Variants in CSNK1A1 observed in about 807,000 individuals in gnomAD.
The protein encoded by CSNK1A1 is casein kinase I isoform alpha.
A neutral mutation model predicts 46.1 loss-of-function variants in CSNK1A1; 7 were observed. The observed-to-expected ratio is 0.15, with a 90% CI of 0.09 to 0.29. The LOEUF is 0.29. Ranked by LOEUF, CSNK1A1 falls within the 10% of genes least tolerant of loss-of-function variation. The pLI, the probability that CSNK1A1 is intolerant of heterozygous loss-of-function variation, is 1.00. For missense variants in CSNK1A1, 96 were observed against 417.1 expected, an observed-to-expected ratio of 0.23 and a Z score of 6.71; for synonymous variants, 137 against 141.5, an observed-to-expected ratio of 0.97 and a Z score of 0.23.
intron 9 of CSNK1A1, chr5:149,503,149 G>A (rs191311510): frequency 5.1e-6 from 5 of 985,378 alleles, no homozygotes; most frequent in East Asian, 2.3e-4. Context: ...GAGACTGGAA[G>A]CAGGAATAAC....
At chr5:149,537,160 G>C (rs932249889) in intron 2 of CSNK1A1, among the ~76,000 whole-genome samples, 36 of 152,142 alleles carry the variant, frequency 2.4e-4, no homozygotes, top group Non-Finnish European at 4.9e-4. Context: ...TGGATCACTT[G>C]AGGTCAGGAG....
At chr5:149,515,208 C>G (rs1761362565) in intron 4 of CSNK1A1, among the ~76,000 whole-genome samples, 1 of 152,136 alleles carries the variant, frequency 6.6e-6, no homozygotes. Flanking sequence ...AGAATTTCCT[C>G]CAGTTCACAT....
intron 2 of CSNK1A1, among the ~76,000 whole-genome samples, chr5:149,536,096 G>A (rs10037311): frequency 0.11 from 16,291 of 152,154 alleles, 1,048 homozygotes; most frequent in African/African-American, 0.16. Context: ...TGGTATCACA[G>A]GCACGCGCCA....
At chr5:149,527,403 G>A (rs1761756969) in intron 2 of CSNK1A1, among the ~76,000 whole-genome samples, 1 of 152,166 alleles carries the variant, frequency 6.6e-6, no homozygotes, top group African/African-American at 2.4e-5. Context: ...TGGGATTACA[G>A]GTTTGAGCCA....
At chr5:149,535,892 C>T (rs548047606) in intron 2 of CSNK1A1, among the ~76,000 whole-genome samples, 21 of 152,146 alleles carry the variant, frequency 1.4e-4, no homozygotes, top group Admixed American at 1.0e-3. Flanking sequence ...GTGATCCACC[C>T]GCCTCAGCCT....
At chr5:149,522,247 AC>A (rs1357711163) in intron 3 of CSNK1A1, among the ~76,000 whole-genome samples, 1 of 151,924 alleles carries the variant, frequency 6.6e-6, no homozygotes, top group African/African-American at 2.4e-5. Flanking sequence ...AGCTGGAACT[AC>A]GGACATGCGC....
At chr5:149,505,311 CT>C (rs573347539) in intron 9 of CSNK1A1, 135 bp downstream of exon 9, 87,733 of 777,714 alleles carry the variant, frequency 0.11, 1 homozygote, top group East Asian at 0.18. Flanking sequence ...CCAAGGACGT[CT>C]TTTTTTTTTT....
chr5:149,523,856 G>A (rs759715252), intron 3 of CSNK1A1, among the ~76,000 whole-genome samples: 7 of 152,180 alleles, frequency 4.6e-5, no homozygotes, highest in South Asian at 2.1e-4. Context: ...TGAAATAAAC[G>A]ATAAGCTATT....
intron 2 of CSNK1A1, chr5:149,529,569 C>A: frequency 2.6e-6 from 1 of 387,786 alleles, no homozygotes; most frequent in Non-Finnish European, 5.2e-6. Flanking sequence ...GAAGGATGAA[C>A]AGTGTTTTGA....
intron 4 of CSNK1A1, among the ~76,000 whole-genome samples, chr5:149,513,426 T>G (rs573758343): frequency 6.6e-6 from 1 of 152,278 alleles, no homozygotes; most frequent in East Asian, 1.9e-4. Context: ...TCTAGTAGTT[T>G]ATCCTTGTCG....
At chr5:149,545,062 A>G (rs985172417) in intron 2 of CSNK1A1, among the ~76,000 whole-genome samples, 5 of 150,614 alleles carry the variant, frequency 3.3e-5, no homozygotes, top group African/African-American at 1.2e-4. Flanking sequence ...AGATCACACC[A>G]TTGCACTCCA....
intron 2 of CSNK1A1, among the ~76,000 whole-genome samples, chr5:149,549,058 A>G (rs953535273): frequency 1.3e-5 from 2 of 152,230 alleles, no homozygotes; most frequent in African/African-American, 4.8e-5. Flanking sequence ...AACAATGTCT[A>G]TCTCGTCATC....
chr5:149,551,119 A>C lies in CSNK1A1; in HGVS notation c.-155T>G. 1 of 739,916 alleles carries C rather than the reference A, an allele frequency of 1.4e-6. No homozygotes were observed. The highest frequency in any genetic ancestry group is 2.2e-6 in the Non-Finnish European group (1 of 453,612). 45.8% of individuals were successfully genotyped at this position (739,916 alleles called of 1,614,324 possible). On this transcript the variant is annotated 5_prime_UTR_variant, in exon 1 of 10. Transcript: ENST00000377843. ...CCGGGGTTCGGGGCCCAGAATCAGC[A>C]GAGGGGAACCTGATCACCGCCGCTC...
intron 6 of CSNK1A1, 124 bp downstream of exon 6, chr5:149,511,670 G>C (rs1313353593): frequency 2.9e-6 from 2 of 680,104 alleles, no homozygotes; most frequent in African/African-American, 1.9e-5. Context: ...AGTAAATTAA[G>C]GTTAATTCTT....
chr5:149,550,547 G>A lies in CSNK1A1; in HGVS notation c.123+295C>T, dbSNP rs117491683. On this transcript the variant is annotated intron_variant, in intron 1 of 9. Coordinates refer to ENST00000377843, the MANE Select transcript of CSNK1A1 (RefSeq NM_001892.6). The surrounding 1 kb of genome is among the most constrained non-coding windows in gnomAD (Gnocchi z 4.3). ...AAAAACATGGGAATCACTGAAAGAG[G>A]ATTTTGCCGTTTCCACCTTAAAAGA... Among the ~76,000 whole-genome samples the A allele has an allele frequency of 7.2e-4, 109 of 151,388 alleles. 3 individuals carry two copies. The East Asian group carries it at 0.019, about 26-fold the overall frequency.
At chr5:149,516,068 C>T (rs1761390508) in intron 4 of CSNK1A1, among the ~76,000 whole-genome samples, 1 of 152,146 alleles carries the variant, frequency 6.6e-6, no homozygotes. Flanking sequence ...GCCTATAACG[C>T]CAGCATTTTG....
At chr5:149,536,217 T>C (rs1171942317) in intron 2 of CSNK1A1, among the ~76,000 whole-genome samples, 1 of 152,172 alleles carries the variant, frequency 6.6e-6, no homozygotes, top group Non-Finnish European at 1.5e-5. Context: ...CCTCCCAAAG[T>C]GCTAGGATTA....
chr5:149,541,821 A>AG (rs1398837339), intron 2 of CSNK1A1, among the ~76,000 whole-genome samples: 1 of 151,890 alleles, frequency 6.6e-6, no homozygotes, highest in African/African-American at 2.4e-5. Flanking sequence ...ACTAAAAAAA[A>AG]TTAGCCAGGC....
At position 149,517,748 on chromosome 5, in the gene CSNK1A1, G is replaced by T; in HGVS notation, c.456+2542C>A. 1 of 1,164,244 alleles carries T rather than the reference G, an allele frequency of 8.6e-7. No homozygotes were observed. The highest frequency in any genetic ancestry group is 1.3e-6 in the Non-Finnish European group (1 of 797,482). The allele number at this position is 1,164,244 out of a possible 1,614,324, so 72.1% of individuals were successfully genotyped here. On this transcript the variant is annotated intron_variant, in intron 4 of 9. Transcript: ENST00000377843. This position sits in a 1 kb window ranked among gnomAD's most constrained non-coding sequence, Gnocchi z 4.4. The stretch of plus-strand genomic sequence containing the variant: ...CAAAATAAAACAATAAAAAAGAAAA[G>T]CACATGAATTTGGGATTGAGGTTGG...
Sources: allele counts gnomAD v4.1 joint callset (sites outside exome capture counted in the v4.1 genomes callset), GRCh38; gene constraint gnomAD v4.1.1; non-coding constraint Gnocchi (gnomAD v3.1); transcripts MANE v1.5; gene names NCBI Gene and HGNC (gene_info 2026-07-23, HGNC 2026-07-21).